The following DAP variants were observed in gnomAD, a reference collection of about 807,000 sequenced individuals.
The protein encoded by DAP is death associated protein.
A neutral mutation model predicts 13.8 loss-of-function variants in DAP; 8 were observed. The ratio of observed to expected loss-of-function variants is 0.58; its 90% CI spans 0.34 to 1.05. DAP has a LOEUF of 1.05. Ranked by LOEUF, DAP falls within the 50% of genes least tolerant of loss-of-function variation. The pLI is 0.03. For missense variants in DAP, 106 were observed against 133.2 expected (o/e 0.80, Z 1.01); for synonymous variants, 47 against 47.5 (o/e 0.99, Z 0.04).
chr5:10,714,852 T>C (rs1738941651), intron 2 of DAP, among the ~76,000 whole-genome samples: 2 of 152,070 alleles, frequency 1.3e-5, no homozygotes, highest in South Asian at 4.2e-4. Flanking sequence ...TCCCACCATG[T>C]GAGACGCCTG....
At chr5:10,687,444 T>C (rs1482382625) in intron 2 of DAP, among the ~76,000 whole-genome samples, 1 of 152,230 alleles carries the variant, frequency 6.6e-6, no homozygotes, top group African/African-American at 2.4e-5. Flanking sequence ...ATATCAATAT[T>C]AACAGGAGTT....
intron 2 of DAP, among the ~76,000 whole-genome samples, chr5:10,725,655 T>C (rs187476299): frequency 5.3e-5 from 8 of 152,380 alleles, no homozygotes; most frequent in Middle Eastern, 3.4e-3. Context: ...GCTGAAAAGA[T>C]GTCTCTCAAC....
At chr5:10,702,644 C>A (rs1434787411) in intron 2 of DAP, among the ~76,000 whole-genome samples, 1 of 152,136 alleles carries the variant, frequency 6.6e-6, no homozygotes, top group East Asian at 1.9e-4. Flanking sequence ...GCACAATTAG[C>A]TAGAGGCGGT....
intron 2 of DAP, among the ~76,000 whole-genome samples, chr5:10,714,831 C>G (rs1738940902): frequency 6.6e-6 from 1 of 152,146 alleles, no homozygotes; most frequent in Non-Finnish European, 1.5e-5. Flanking sequence ...CTCTTGCTCT[C>G]TTGCTCCTGC....
At chr5:10,724,074 A>C (rs1446656575) in intron 2 of DAP, among the ~76,000 whole-genome samples, 1 of 152,242 alleles carries the variant, frequency 6.6e-6, no homozygotes. Context: ...TCCTTGTGCT[A>C]CCCTCAAAAT....
chr5:10,689,511 T>TGAGTC (rs1286667610), intron 2 of DAP, among the ~76,000 whole-genome samples: 1 of 152,224 alleles, frequency 6.6e-6, no homozygotes, highest in Non-Finnish European at 1.5e-5. Context: ...TCCTTTGTGC[T>TGAGTC]GAGTCATGAC....
intron 2 of DAP, among the ~76,000 whole-genome samples, chr5:10,697,819 C>T (rs1020081782): frequency 1.3e-5 from 2 of 152,154 alleles, no homozygotes; most frequent in East Asian, 3.9e-4. Context: ...GGTGGCTGAC[C>T]TTAAATGGGA....
At chr5:10,702,339 T>TA (rs1738599600) in intron 2 of DAP, among the ~76,000 whole-genome samples, 1 of 152,260 alleles carries the variant, frequency 6.6e-6, no homozygotes, top group Admixed American at 6.5e-5. Context: ...TAGGAATGAG[T>TA]AACTCTCATG....
intron 2 of DAP, among the ~76,000 whole-genome samples, chr5:10,700,230 C>G (rs1020489976): frequency 1.3e-5 from 2 of 152,188 alleles, no homozygotes; most frequent in African/African-American, 2.4e-5. Flanking sequence ...TACATGAGAG[C>G]CTTCCTTCTT....
At chr5:10,715,077 T>C (rs1738948997) in intron 2 of DAP, among the ~76,000 whole-genome samples, 1 of 152,198 alleles carries the variant, frequency 6.6e-6, no homozygotes, top group African/African-American at 2.4e-5. Flanking sequence ...CATAAGGGTC[T>C]CTGTGTCTTC....
chr5:10,710,473 G>A (rs1210555701), intron 2 of DAP, among the ~76,000 whole-genome samples: 1 of 152,238 alleles, frequency 6.6e-6, no homozygotes, highest in African/African-American at 2.4e-5. Context: ...AACCATGAGG[G>A]GGCCACAGAA....
At chr5:10,740,082 G>A (rs994118812) in intron 2 of DAP, among the ~76,000 whole-genome samples, 3 of 152,190 alleles carry the variant, frequency 2.0e-5, no homozygotes, top group Non-Finnish European at 4.4e-5. Context: ...GAAAAGACAG[G>A]AAATTTCAGC....
chr5:10,697,083 G>A (rs912868653), intron 2 of DAP, among the ~76,000 whole-genome samples: 11 of 152,214 alleles, frequency 7.2e-5, no homozygotes, highest in Non-Finnish European at 1.5e-4. Flanking sequence ...ACATGGCAAT[G>A]TGGAACATAC....
intron 2 of DAP, among the ~76,000 whole-genome samples, chr5:10,734,577 T>C (rs1579812662): frequency 6.6e-6 from 1 of 152,194 alleles, no homozygotes; most frequent in South Asian, 2.1e-4. Context: ...GGAATCAGGC[T>C]AGATTCACTG....
At chr5:10,701,460 C>G (rs1281314911) in intron 2 of DAP, among the ~76,000 whole-genome samples, 1 of 152,142 alleles carries the variant, frequency 6.6e-6, no homozygotes, top group Non-Finnish European at 1.5e-5. Flanking sequence ...GGGCTGAGAG[C>G]CCTAAAATGG....
At chr5:10,718,022 C>T (rs973447846) in intron 2 of DAP, among the ~76,000 whole-genome samples, 3 of 152,158 alleles carry the variant, frequency 2.0e-5, no homozygotes, top group African/African-American at 7.2e-5. Flanking sequence ...GAGGCTGGGT[C>T]CCCTTGAGGA....
In DAP at chr5:10,680,755, T is replaced by TG; in HGVS notation, c.*300dup. 1.3e-6 allele frequency: 2 copies of TG among 1,536,492 alleles called. No individual in the cohort carries two copies. The highest frequency in any genetic ancestry group is 1.7e-6 in the Non-Finnish European group (2 of 1,146,976). ...TAAGACCATAGACAAGGACGTCAGG[T>TG]GACTGCTGAAATAGAACTAAAGCTA... On this transcript the variant is annotated 3_prime_UTR_variant, in exon 4 of 4. Transcript: ENST00000230895.
chr5:10,708,401 G>GAC (rs199625660), intron 2 of DAP, among the ~76,000 whole-genome samples: 4 of 150,406 alleles, frequency 2.7e-5, no homozygotes, highest in African/African-American at 9.8e-5. Context: ...CACACATGCA[G>GAC]ACACATACAC....
intron 2 of DAP, among the ~76,000 whole-genome samples, chr5:10,716,631 GC>G (rs1470330625): frequency 6.6e-6 from 1 of 152,164 alleles, no homozygotes; most frequent in Non-Finnish European, 1.5e-5. Context: ...CATGCTGGAC[GC>G]TTCCTGCCCT....
Sources: allele counts gnomAD v4.1 joint callset (sites outside exome capture counted in the v4.1 genomes callset), GRCh38; gene constraint gnomAD v4.1.1; transcripts MANE v1.5; gene names NCBI Gene and HGNC (gene_info 2026-07-23, HGNC 2026-07-21).